The following USP50 variants were observed in gnomAD, a reference collection of about 807,000 sequenced individuals.
The protein encoded by USP50 is ubiquitin carboxyl-terminal hydrolase 50.
USP50 carries 37 observed loss-of-function variants against 39.2 expected under a neutral mutation model. The observed-to-expected ratio is 0.94, with a 90% CI of 0.73 to 1.24. The LOEUF is 1.24. Ranked by LOEUF, USP50 falls within the 50% of genes most tolerant of loss-of-function variation. The probability of loss-of-function intolerance (pLI) is 0.00; values close to 1 mark genes in which losing one functional copy is unlikely to be tolerated. For synonymous variants in USP50, 139 were observed against 144.5 expected, an observed-to-expected ratio of 0.96 and a Z score of 0.27; for missense variants, 374 against 398.2, an observed-to-expected ratio of 0.94 and a Z score of 0.52.
At chr15:50,529,554 C>G (rs139555848) in intron 6 of USP50, among the ~76,000 whole-genome samples, 1 of 152,074 alleles carries the variant, frequency 6.6e-6, no homozygotes, top group African/African-American at 2.4e-5. Context: ...GCACAATTTG[C>G]AGTATCCTTA....
chr15:50,514,747 C>G (rs1204991901), intron 6 of USP50, among the ~76,000 whole-genome samples: 2 of 151,970 alleles, frequency 1.3e-5, no homozygotes, highest in African/African-American at 2.4e-5. Flanking sequence ...CCAGGATGGT[C>G]TCCATCTCCT....
intron 6 of USP50, among the ~76,000 whole-genome samples, chr15:50,520,385 C>T (rs891701213): frequency 3.3e-5 from 5 of 151,408 alleles, no homozygotes; most frequent in Admixed American, 2.6e-4. Context: ...ACTTTAGCCT[C>T]GACCTTTCTG....
chr15:50,544,232 C>T (rs1384803058), intron 2 of USP50, among the ~76,000 whole-genome samples: 2 of 151,762 alleles, frequency 1.3e-5, no homozygotes, highest in South Asian at 2.1e-4. Flanking sequence ...CATGGTGGCG[C>T]GTGCCTGTAA....
chr15:50,519,012 C>T (rs989133893), intron 6 of USP50, among the ~76,000 whole-genome samples: 1 of 152,074 alleles, frequency 6.6e-6, no homozygotes, highest in Non-Finnish European at 1.5e-5. Flanking sequence ...AAGGGCCAGG[C>T]GTGGTGGCTC....
downstream of USP50, chr15:50,498,774 TAAAA>T: frequency 6.4e-7 from 1 of 1,567,194 alleles, no homozygotes; most frequent in Non-Finnish European, 8.7e-7. Flanking sequence ...AAAGCAAGTT[TAAAA>T]AAAGTTTTAA....
downstream of USP50, chr15:50,499,612 T>G (rs904468599): frequency 6.6e-6 from 1 of 152,182 alleles, no homozygotes; most frequent in African/African-American, 2.4e-5. Context: ...TTGAGTTAAC[T>G]TCAGTGCTTT....
chr15:50,503,693 G>A (rs2052620755), intron 6 of USP50: 1 of 152,184 alleles, frequency 6.6e-6, no homozygotes, highest in Admixed American at 6.5e-5. Context: ...TGTGTGGTCT[G>A]CGAATCCTGT....
downstream of USP50, chr15:50,497,453 C>T: frequency 2.6e-6 from 1 of 380,010 alleles, no homozygotes; most frequent in Non-Finnish European, 4.6e-6. Flanking sequence ...CATGTAATTC[C>T]TTATAATTTT....
chr15:50,517,996 A>C (rs2052816761), intron 6 of USP50, among the ~76,000 whole-genome samples: 1 of 152,222 alleles, frequency 6.6e-6, no homozygotes, highest in South Asian at 2.1e-4. Context: ...CATCACACCC[A>C]GCCAACAAAA....
chr15:50,543,058 T>C (rs535676585), intron 3 of USP50, among the ~76,000 whole-genome samples: 175 of 152,328 alleles, frequency 1.1e-3, no homozygotes, highest in Middle Eastern at 3.4e-3. Flanking sequence ...GAAATGTATG[T>C]CCTAATTCGG....
chr15:50,504,427 G>C (rs953117827), intron 6 of USP50: 1 of 152,376 alleles, frequency 6.6e-6, no homozygotes, highest in African/African-American at 2.4e-5. Context: ...GGTAGGTTGA[G>C]GTGGGAGAAT....
chr15:50,528,954 C>T (rs750219030), intron 6 of USP50, among the ~76,000 whole-genome samples: 17 of 152,074 alleles, frequency 1.1e-4, no homozygotes, highest in Non-Finnish European at 1.9e-4. Context: ...TGAGACTGAT[C>T]GTTAACACCG....
intron 6 of USP50, among the ~76,000 whole-genome samples, chr15:50,522,231 C>T (rs2052856423): frequency 6.6e-6 from 1 of 151,688 alleles, no homozygotes; most frequent in Non-Finnish European, 1.5e-5. Context: ...TTAAGACCAG[C>T]CTGGGCAATA....
At chr15:50,495,840 A>C, downstream of USP50, 1 of 1,599,996 alleles carries the variant, frequency 6.3e-7, no homozygotes, top group Non-Finnish European at 8.5e-7. Context: ...AAATCATTTT[A>C]TTTCCAGGCT....
rs2052690733 is a variant in USP50, at chr15:50,508,231, G to A, written c.937-7394C>T. 3 of 151,936 alleles carry A rather than the reference G, an allele frequency of 2.0e-5. No individual in the cohort carries two copies. In the South Asian group the frequency reaches 6.2e-4, roughly 32 times the overall value. The allele number at this position is 151,936 out of a possible 1,614,324, so 9.4% of individuals were successfully genotyped here. On this transcript the variant is annotated intron_variant, in intron 6 of 6. Transcript: ENST00000532404. ...GTAACTTTATAAATAAATTATAAAA[G>A]TAAAACACTTAGAAGTAAATAGTAA...
In USP50 at chr15:50,546,455, T is replaced by C. The variant is rs2053071749; in HGVS notation, c.53+18A>G. ...ACCACTGGGCTAATCTAGAAAGCTG[T>C]AGTAGATCAAGGCTCACAGGACGTG... On this transcript the variant is annotated intron_variant, in intron 1 of 6. Coordinates refer to ENST00000532404, the MANE Select transcript of USP50 (RefSeq NM_203494.5). 2 of 1,613,154 alleles carry C rather than the reference T, an allele frequency of 1.2e-6. No individual in the cohort carries two copies. The highest frequency in any genetic ancestry group is 1.7e-6 in the Non-Finnish European group (2 of 1,179,256).
At chr15:50,525,646 ATATGTATATGTATATATGTATATG>A (rs2052888439) in intron 6 of USP50, among the ~76,000 whole-genome samples, 2 of 105,336 alleles carry the variant, frequency 1.9e-5, no homozygotes, top group East Asian at 2.9e-4. Flanking sequence ...GTATATGTGT[ATATGTATATGTATATATGTATATG>A]TATATATGTA....
intron 5 of USP50, chr15:50,532,215 TCTC>T (rs2141372701): frequency 2.2e-6 from 1 of 456,058 alleles, no homozygotes; most frequent in Admixed American, 2.4e-5. Context: ...TAGAGACAAA[TCTC>T]CTCATGCTTC....
chr15:50,499,982 TATAAACTACATCTTTAC>T (rs1324422551), downstream of USP50: 11 of 152,166 alleles, frequency 7.2e-5, no homozygotes, highest in African/African-American at 2.7e-4. Context: ...TGAACTGCAT[TATAAACTACATCTTTAC>T]AGAGTGATGT....
Sources: allele counts gnomAD v4.1 joint callset (sites outside exome capture counted in the v4.1 genomes callset), GRCh38; gene constraint gnomAD v4.1.1; transcripts MANE v1.5; gene names NCBI Gene and HGNC (gene_info 2026-07-23, HGNC 2026-07-21).